Variants in RAB2B observed in about 807,000 individuals in gnomAD.
RAB2B encodes the protein RAB2B, member RAS oncogene family.
A neutral mutation model predicts 29.8 loss-of-function variants in RAB2B; 20 were observed. That is an observed-to-expected ratio of 0.67 (90% CI 0.47 to 0.97). The LOEUF (loss-of-function observed/expected upper bound fraction) is 0.97. Among genes scored for constraint, RAB2B ranks in the 50% least tolerant of loss-of-function variants. The pLI, the probability that RAB2B is intolerant of heterozygous loss-of-function variation, is 0.00. For missense variants in RAB2B, 218 were observed against 272.0 expected, an observed-to-expected ratio of 0.80 and a Z score of 1.40; for synonymous variants, 93 against 91.7, an observed-to-expected ratio of 1.01 and a Z score of -0.08.
intron 5 of RAB2B, among the ~76,000 whole-genome samples, 184 bp downstream of exon 5, chr14:21,468,173 A>G (rs1369815374): frequency 6.6e-6 from 1 of 152,188 alleles, no homozygotes; most frequent in African/African-American, 2.4e-5. Context: ...TTAATGCTAC[A>G]GGACTGTATG....
chr14:21,471,176 T>A (rs1566471967), intron 3 of RAB2B, among the ~76,000 whole-genome samples: 4 of 143,850 alleles, frequency 2.8e-5, no homozygotes, highest in African/African-American at 5.2e-5. Flanking sequence ...CTGTCTAAAT[T>A]AAAAAAAAAA....
At chr14:21,461,357 A>ATAGCCCCCTCCTGTCTCT in intron 7 of RAB2B, 54 bp from the exon 8 acceptor site, 2 of 1,233,858 alleles carry the variant, frequency 1.6e-6, no homozygotes, top group Non-Finnish European at 2.3e-6. Context: ...TGAATGAGAG[A>ATAGCCCCCTCCTGTCTCT]CAGGAGGGGG....
At chr14:21,466,091 C>T (rs1890679390) in intron 5 of RAB2B, among the ~76,000 whole-genome samples, 1 of 152,232 alleles carries the variant, frequency 6.6e-6, no homozygotes, top group South Asian at 2.1e-4. Context: ...TATGCCCCCA[C>T]TAGACTGTAA....
At chr14:21,476,756 C>G in intron 1 of RAB2B, 71 bp downstream of exon 1, 1 of 1,600,874 alleles carries the variant, frequency 6.2e-7, no homozygotes, top group Non-Finnish European at 8.6e-7. Context: ...AAGTGAGCCC[C>G]GCCCCCGCCA....
At chr14:21,464,998 C>CA (rs151156068) in intron 5 of RAB2B, among the ~76,000 whole-genome samples, 20,481 of 140,574 alleles carry the variant, frequency 0.15, 1,589 homozygotes, top group Admixed American at 0.23. Flanking sequence ...GACCTTGTCG[C>CA]AAAAAAAAAA....
rs1302365941 is a variant in RAB2B at position 21,460,593 on chromosome 14, A to AAG, written c.*602_*603insCT. On this transcript the variant is annotated 3_prime_UTR_variant, in exon 8 of 8. Coordinates refer to ENST00000397762, the MANE Select transcript of RAB2B (RefSeq NM_032846.4). ...AGTGAGACTCCATCCCCCCAAAAAA[A>AAG]AAAAAAAAAAAAGAAAAAAAAAATT... 1.1e-4 allele frequency: 17 copies of AAG among 148,910 alleles called. 1 individual carries two copies. Among genetic ancestry groups the AAG allele is most frequent in the African/African-American group, 4.5e-4 (17 of 38,066 alleles). 9.2% of individuals were successfully genotyped at this position (148,910 alleles called of 1,614,324 possible).
intron 5 of RAB2B, among the ~76,000 whole-genome samples, chr14:21,464,523 C>T (rs1342511972): frequency 6.6e-6 from 1 of 152,008 alleles, no homozygotes; most frequent in African/African-American, 2.4e-5. Context: ...AGAGAATGAG[C>T]CAGGAATAAG....
At chr14:21,472,065 T>C (rs982696257) in intron 3 of RAB2B, among the ~76,000 whole-genome samples, 43 of 152,150 alleles carry the variant, frequency 2.8e-4, no homozygotes, top group Admixed American at 3.3e-4. Context: ...GTTTGAAGTA[T>C]CAACTCCTAG....
chr14:21,475,111 A>G (rs1371818769), intron 2 of RAB2B, among the ~76,000 whole-genome samples, 177 bp from the exon 3 acceptor site: 1 of 152,150 alleles, frequency 6.6e-6, no homozygotes, highest in African/African-American at 2.4e-5. Flanking sequence ...AAGGTTCTTC[A>G]TTTCCCTTCT....
At chr14:21,471,323 T>C (rs1046439901) in intron 3 of RAB2B, among the ~76,000 whole-genome samples, 1 of 151,074 alleles carries the variant, frequency 6.6e-6, no homozygotes, top group African/African-American at 2.4e-5. Flanking sequence ...AGTAAAAAAA[T>C]CTGAAGCAGC....
intron 3 of RAB2B, among the ~76,000 whole-genome samples, chr14:21,471,615 C>G (rs1048033800): frequency 1.6e-5 from 1 of 64,362 alleles, no homozygotes; most frequent in Non-Finnish European, 3.0e-5. Context: ...AAGACCCTGT[C>G]AAAAAAAAAA....
At chr14:21,472,982 AG>A (rs1890856079) in intron 3 of RAB2B, among the ~76,000 whole-genome samples, 1 of 152,190 alleles carries the variant, frequency 6.6e-6, no homozygotes, top group African/African-American at 2.4e-5. Context: ...ACTTGAGTCC[AG>A]GAATTCGAGA....
chr14:21,468,906 G>C (rs896380384), intron 3 of RAB2B, among the ~76,000 whole-genome samples, 154 bp from the exon 4 acceptor site: 1 of 151,630 alleles, frequency 6.6e-6, no homozygotes, highest in Non-Finnish European at 1.5e-5. Flanking sequence ...ATGCCTGCCC[G>C]AGAAGAAACC....
chr14:21,461,363 G>A, intron 7 of RAB2B, 60 bp from the exon 8 acceptor site: 1 of 1,130,970 alleles, frequency 8.8e-7, no homozygotes, highest in Admixed American at 2.0e-5. Flanking sequence ...AGAGACAGGA[G>A]GGGGCTATCT....
intron 2 of RAB2B, among the ~76,000 whole-genome samples, chr14:21,475,837 A>T (rs1248916003): frequency 6.6e-6 from 1 of 152,194 alleles, no homozygotes; most frequent in Non-Finnish European, 1.5e-5. Flanking sequence ...TGGGACTTGG[A>T]AGTAGCAATA....
intron 5 of RAB2B, among the ~76,000 whole-genome samples, chr14:21,467,167 A>G (rs868767743): frequency 6.6e-6 from 1 of 151,790 alleles, no homozygotes; most frequent in Admixed American, 6.6e-5. Context: ...TCGGCCTCCC[A>G]AAGTGCTAGG....
intron 1 of RAB2B, 30 bp from the exon 2 acceptor site, chr14:21,476,629 C>T (rs1420408894): frequency 1.2e-6 from 2 of 1,613,642 alleles, no homozygotes; most frequent in Admixed American, 1.7e-5. Flanking sequence ...CCCGGAATCA[C>T]GCAGCCCTGG....
intron 3 of RAB2B, among the ~76,000 whole-genome samples, chr14:21,473,643 G>A (rs1198824630): frequency 6.6e-6 from 1 of 152,186 alleles, no homozygotes; most frequent in Admixed American, 6.5e-5. Flanking sequence ...CATTTTGAGA[G>A]GCCTAGGTGG....
intron 2 of RAB2B, 61 bp from the exon 3 acceptor site, chr14:21,474,995 G>A (rs1890913350): frequency 7.2e-7 from 1 of 1,387,456 alleles, no homozygotes; most frequent in Admixed American, 1.7e-5. Context: ...CGTGGAGTGG[G>A]AGGTTCCTGC....
Sources: gnomAD v4.1 joint callset for allele counts (sites outside exome capture counted in the v4.1 genomes callset) on GRCh38, gnomAD v4.1.1 for gene constraint, MANE v1.5 for transcripts, NCBI Gene and HGNC (gene_info 2026-07-23, HGNC 2026-07-21) for gene names.